The following WWOX variants were observed in gnomAD, a reference collection of about 807,000 sequenced individuals.
The protein encoded by WWOX is WW domain-containing oxidoreductase.
In WWOX, 69 loss-of-function variants were observed where a neutral mutation model predicts 46.2. The ratio of observed to expected loss-of-function variants is 1.49; its 90% CI spans 1.23 to 1.82. WWOX has a LOEUF of 1.82. Ranked by LOEUF, WWOX falls within the 40% of genes most tolerant of loss-of-function variation. The pLI is 0.00. For synonymous variants in WWOX, 359 were observed against 202.6 expected (o/e 1.77, Z -6.56); for missense variants, 919 against 542.6 (o/e 1.69, Z -6.89).
At chr16:78,911,797 C>T (rs2045118810) in intron 8 of WWOX, among the ~76,000 whole-genome samples, 1 of 151,974 alleles carries the variant, frequency 6.6e-6, no homozygotes, top group Non-Finnish European at 1.5e-5. Flanking sequence ...ACCCGGGAAG[C>T]GGAGGTTGCA....
At chr16:79,057,670 C>A (rs769584189) in intron 8 of WWOX, among the ~76,000 whole-genome samples, 4 of 152,092 alleles carry the variant, frequency 2.6e-5, no homozygotes, top group Non-Finnish European at 5.9e-5. Context: ...ACTGGAGGAA[C>A]TGGCCTACTA....
chr16:78,299,193 C>G (rs1415606347), intron 5 of WWOX, among the ~76,000 whole-genome samples: 1 of 152,186 alleles, frequency 6.6e-6, no homozygotes, highest in African/African-American at 2.4e-5. Context: ...ATTCCGAAAG[C>G]TAGCGTGAAG....
At chr16:79,137,268 T>C (rs1170958976) in intron 8 of WWOX, among the ~76,000 whole-genome samples, 1 of 152,220 alleles carries the variant, frequency 6.6e-6, no homozygotes, top group Non-Finnish European at 1.5e-5. Flanking sequence ...TGCTTCCTTT[T>C]AGAAGAAAAT....
At chr16:78,592,880 T>C (rs1008091707) in intron 8 of WWOX, among the ~76,000 whole-genome samples, 9 of 152,148 alleles carry the variant, frequency 5.9e-5, no homozygotes, top group Admixed American at 5.2e-4. Context: ...CCAGGCAGCA[T>C]GAAAACGAAA....
At chr16:78,152,427 G>C (rs561687920) in intron 4 of WWOX, among the ~76,000 whole-genome samples, 5 of 152,242 alleles carry the variant, frequency 3.3e-5, no homozygotes, top group Middle Eastern at 3.4e-3. Context: ...TTGTGGCTGG[G>C]TCAAAGAGCA....
At chr16:79,156,748 C>T (rs1376625122) in intron 8 of WWOX, among the ~76,000 whole-genome samples, 1 of 151,660 alleles carries the variant, frequency 6.6e-6, no homozygotes, top group Non-Finnish European at 1.5e-5. Flanking sequence ...TGTTCAAAGT[C>T]TTAAGAATAT....
intron 6 of WWOX, among the ~76,000 whole-genome samples, chr16:78,393,705 C>T (rs572907721): frequency 2.0e-5 from 3 of 152,118 alleles, no homozygotes; most frequent in African/African-American, 7.2e-5. Context: ...AATAATTACC[C>T]AAGTCCAAAC....
intron 8 of WWOX, among the ~76,000 whole-genome samples, chr16:78,783,424 A>G (rs1158925355): frequency 6.6e-6 from 1 of 152,238 alleles, no homozygotes; most frequent in Non-Finnish European, 1.5e-5. Flanking sequence ...GAAGAGAGGA[A>G]GGAGTTTGTA....
intron 8 of WWOX, among the ~76,000 whole-genome samples, chr16:79,115,743 C>A (rs182303466): frequency 6.6e-6 from 1 of 152,238 alleles, no homozygotes; most frequent in African/African-American, 2.4e-5. Context: ...GACTGACCTG[C>A]GTGTAGAAGT....
intron 8 of WWOX, among the ~76,000 whole-genome samples, chr16:78,549,314 G>T (rs534489196): frequency 6.6e-6 from 1 of 152,178 alleles, no homozygotes; most frequent in Non-Finnish European, 1.5e-5. Context: ...TCTGGGGAGC[G>T]TTCAACCTGA....
intron 8 of WWOX, among the ~76,000 whole-genome samples, chr16:78,782,311 T>G (rs1363343393): frequency 6.6e-6 from 1 of 152,198 alleles, no homozygotes; most frequent in African/African-American, 2.4e-5. Context: ...AGAACCTTCT[T>G]GCTCCCTCTC....
chr16:79,168,092 C>T (rs1157672633), intron 8 of WWOX, among the ~76,000 whole-genome samples: 8 of 152,172 alleles, frequency 5.3e-5, no homozygotes, highest in Non-Finnish European at 4.4e-5. Context: ...TAGTATTCCA[C>T]TGCATGGATA....
At chr16:78,710,655 C>T (rs1258526677) in intron 8 of WWOX, among the ~76,000 whole-genome samples, 2 of 150,570 alleles carry the variant, frequency 1.3e-5, no homozygotes, top group African/African-American at 4.9e-5. Context: ...TGCTCTGTCA[C>T]TCAGGCTGGA....
chr16:78,818,315 C>T (rs1335557921), intron 8 of WWOX, among the ~76,000 whole-genome samples: 3 of 152,198 alleles, frequency 2.0e-5, no homozygotes, highest in Non-Finnish European at 4.4e-5. Context: ...CCCAGCCCTG[C>T]CACACCATCA....
At chr16:78,124,682 G>A (rs1079569) in intron 4 of WWOX, among the ~76,000 whole-genome samples, 101,227 of 152,088 alleles carry the variant, frequency 0.67, 33,750 homozygotes, top group East Asian at 0.73. Context: ...TGAATGGGGT[G>A]CATAGGAAGG....
chr16:78,366,557 CTG>C (rs2081540377), intron 5 of WWOX, among the ~76,000 whole-genome samples: 1 of 152,206 alleles, frequency 6.6e-6, no homozygotes, highest in African/African-American at 2.4e-5. Flanking sequence ...GGTCAACTAA[CTG>C]TGCCCTTCAG....
chr16:78,463,779 G>C (rs1291032650), intron 8 of WWOX, among the ~76,000 whole-genome samples: 1 of 152,174 alleles, frequency 6.6e-6, no homozygotes, highest in Admixed American at 6.5e-5. Context: ...TTAGGTTAGG[G>C]TTTATGATCA....
At chr16:78,781,203 G>C (rs951424217) in intron 8 of WWOX, among the ~76,000 whole-genome samples, 1 of 152,186 alleles carries the variant, frequency 6.6e-6, no homozygotes, top group African/African-American at 2.4e-5. Flanking sequence ...CCCCTGGCTT[G>C]TTCCAAAGCC....
At chr16:78,784,351 C>G (rs1028300491) in intron 8 of WWOX, among the ~76,000 whole-genome samples, 4 of 152,146 alleles carry the variant, frequency 2.6e-5, no homozygotes, top group African/African-American at 7.2e-5. Context: ...GGTCCTCAGT[C>G]TCCTCATTGT....
Sources: gnomAD v4.1 joint callset for allele counts (sites outside exome capture counted in the v4.1 genomes callset) on GRCh38, gnomAD v4.1.1 for gene constraint, MANE v1.5 for transcripts, NCBI Gene and HGNC (gene_info 2026-07-23, HGNC 2026-07-21) for gene names.